The following CLNS1A variants were observed in gnomAD, a reference collection of about 807,000 sequenced individuals.
CLNS1A encodes the protein methylosome subunit pICln.
A neutral mutation model predicts 29.4 loss-of-function variants in CLNS1A; 16 were observed. That is an observed-to-expected ratio of 0.54 (90% CI 0.37 to 0.83). The LOEUF (loss-of-function observed/expected upper bound fraction) is 0.83. CLNS1A is among the 40% of genes least tolerant of loss of function. The probability of loss-of-function intolerance (pLI) is 0.00; values close to 1 mark genes in which losing one functional copy is unlikely to be tolerated. For synonymous variants in CLNS1A, 96 were observed against 104.8 expected, an observed-to-expected ratio of 0.92 and a Z score of 0.51; for missense variants, 235 against 287.4, an observed-to-expected ratio of 0.82 and a Z score of 1.32.
At chr11:77,632,604 A>C (rs765656451) in intron 1 of CLNS1A, among the ~76,000 whole-genome samples, 2 of 150,874 alleles carry the variant, frequency 1.3e-5, no homozygotes, top group Non-Finnish European at 2.9e-5. Context: ...AAAAACACTT[A>C]TTCTAATCGT....
Position 77,625,020 on chromosome 11 carries a change from G to C in CLNS1A, c.415C>G (p.Pro139Ala). Residue 139 changes from proline (P) to alanine (A), a missense_variant, in exon 4 of 7, where the codon CCT becomes GCT. Coordinates refer to ENST00000525428, the MANE Select transcript of CLNS1A (RefSeq NM_001293.3). ...TAGTCATCTGAATCCTCATCCTCAG[G>C]ATCTGGATGCAAGGCCTGGCATTCG... ...MCECQALHPDPEDEDSDDYDG... is the reference protein window; with the variant it reads ...MCECQALHPDAEDEDSDDYDG... 2 of 1,613,936 alleles carry C rather than the reference G, an allele frequency of 1.2e-6. No homozygotes were observed. The highest frequency in any genetic ancestry group is 1.1e-5 in the South Asian group (1 of 91,044).
chr11:77,619,500 G>T, intron 6 of CLNS1A, 106 bp downstream of exon 6: 1 of 755,236 alleles, frequency 1.3e-6, no homozygotes, highest in Non-Finnish European at 2.3e-6. Flanking sequence ...CTCTAGCCTG[G>T]GTGACAGAGT....
intron 5 of CLNS1A, 56 bp from the exon 6 acceptor site, chr11:77,619,751 T>G (rs1958938844): frequency 4.2e-6 from 5 of 1,201,820 alleles, no homozygotes; most frequent in Middle Eastern, 1.9e-4. Context: ...GACAGGTAGA[T>G]TCAACTTATA....
intron 6 of CLNS1A, 26 bp downstream of exon 6, chr11:77,619,580 G>A (rs770068270): frequency 3.0e-6 from 4 of 1,337,824 alleles, no homozygotes; most frequent in South Asian, 1.2e-5. Flanking sequence ...CATGATCAGC[G>A]ACAAGGGAGA....
chr11:77,637,507 T>C, intron 1 of CLNS1A, 83 bp downstream of exon 1: 6 of 1,478,326 alleles, frequency 4.1e-6, no homozygotes, highest in Non-Finnish European at 4.5e-6. Context: ...AGGCCGCCCC[T>C]TGCCCGGCTC....
intron 4 of CLNS1A, among the ~76,000 whole-genome samples, chr11:77,624,369 T>C (rs1467978822): frequency 6.6e-6 from 1 of 152,272 alleles, no homozygotes; most frequent in South Asian, 2.1e-4. Context: ...TAAAAGACTT[T>C]CCTGACCATC....
At chr11:77,630,516 G>A (rs556567698) in intron 1 of CLNS1A, among the ~76,000 whole-genome samples, 2 of 152,108 alleles carry the variant, frequency 1.3e-5, no homozygotes, top group Admixed American at 6.5e-5. Context: ...CACACTCACC[G>A]CAAGTCAGGA....
Position 77,615,669 on chromosome 11 carries a change from T to C in CLNS1A, c.*1049A>G, listed in dbSNP as rs186202808. On this transcript the variant is annotated 3_prime_UTR_variant, in exon 7 of 7. Coordinates refer to ENST00000525428, the MANE Select transcript of CLNS1A (RefSeq NM_001293.3). The stretch of plus-strand genomic sequence containing the variant: ...GTCTGGTTAGAAAAAGGAAAATTCG[T>C]TTTTTTTCAGTCTACCTTGCAAGAT... The C allele has an allele frequency of 1.1e-4, 16 of 151,840 alleles. No individual in the cohort carries two copies. The highest frequency in any genetic ancestry group is 7.2e-4 in the Admixed American group (11 of 15,224). The allele number at this position is 151,840 out of a possible 1,614,324, so 9.4% of individuals were successfully genotyped here. A position where few individuals can be genotyped will look rare whatever the true frequency, so the allele number is the denominator to read the frequency against.
chr11:77,620,977 G>A (rs1185143502), intron 5 of CLNS1A, among the ~76,000 whole-genome samples: 1 of 151,598 alleles, frequency 6.6e-6, no homozygotes, highest in East Asian at 1.9e-4. Flanking sequence ...GTGAGACTCC[G>A]TCTTAAATAA....
At chr11:77,621,152 T>C (rs892061750) in intron 5 of CLNS1A, among the ~76,000 whole-genome samples, 5 of 151,778 alleles carry the variant, frequency 3.3e-5, no homozygotes, top group African/African-American at 1.2e-4. Flanking sequence ...AAAAATTAGC[T>C]GGGCACGATA....
chr11:77,625,615 G>T, intron 3 of CLNS1A, 102 bp downstream of exon 3: 1 of 949,216 alleles, frequency 1.1e-6, no homozygotes, highest in Non-Finnish European at 1.5e-6. Context: ...GGAGGTAATG[G>T]TGGTAAAGGT....
chr11:77,622,967 A>AT (rs71043594), intron 4 of CLNS1A, among the ~76,000 whole-genome samples: 7 of 151,456 alleles, frequency 4.6e-5, no homozygotes, highest in Non-Finnish European at 2.9e-5. Flanking sequence ...AAAAAAAAAA[A>AT]GAATCTGCTG....
At chr11:77,619,228 T>G (rs769052357) in intron 6 of CLNS1A, among the ~76,000 whole-genome samples, 19 of 152,108 alleles carry the variant, frequency 1.2e-4, no homozygotes, top group Non-Finnish European at 2.8e-4. Context: ...GAAAAATTTT[T>G]TTAAAGAAGG....
chr11:77,617,447 CAGG>C (rs1341672077), intron 6 of CLNS1A, among the ~76,000 whole-genome samples: 4 of 148,632 alleles, frequency 2.7e-5, no homozygotes, highest in Admixed American at 2.0e-4. Flanking sequence ...GAGGCTGAGG[CAGG>C]AGAATTGCTT....
At chr11:77,626,658 G>T (rs1959022861) in intron 2 of CLNS1A, among the ~76,000 whole-genome samples, 1 of 151,560 alleles carries the variant, frequency 6.6e-6, no homozygotes, top group Non-Finnish European at 1.5e-5. Context: ...AAATGCTGGG[G>T]TTACAGATGT....
chr11:77,631,428 C>T (rs1182793553), intron 1 of CLNS1A, among the ~76,000 whole-genome samples: 1 of 150,880 alleles, frequency 6.6e-6, no homozygotes, highest in Non-Finnish European at 1.5e-5. Flanking sequence ...TCACGCCATT[C>T]TCTTGCCTCA....
intron 4 of CLNS1A, among the ~76,000 whole-genome samples, chr11:77,624,713 G>C (rs1487787475): frequency 1.3e-5 from 2 of 152,074 alleles, no homozygotes. Flanking sequence ...CAGCTACTTG[G>C]AAGGCTGAGG....
chr11:77,637,792 G>T lies in CLNS1A; in HGVS notation c.-78C>A. ...GTGCACCACACCGCCCGCCCTGGAAGAGGCAGTCACCCCGGAAGAACAACT... is the reference window on the plus strand; with the variant it reads ...GTGCACCACACCGCCCGCCCTGGAATAGGCAGTCACCCCGGAAGAACAACT... On this transcript the variant is annotated 5_prime_UTR_variant, in exon 1 of 7. Transcript: ENST00000525428. 3.4e-6 allele frequency: 5 copies of T among 1,452,256 alleles called. No individual in the cohort carries two copies. Among genetic ancestry groups the T allele is most frequent in the Non-Finnish European group, 4.6e-6 (5 of 1,089,856 alleles). 90.0% of individuals were successfully genotyped at this position (1,452,256 alleles called of 1,614,324 possible). A position where few individuals can be genotyped will look rare whatever the true frequency, so the allele number is the denominator to read the frequency against.
At chr11:77,622,727 T>C in intron 4 of CLNS1A, 54 bp from the exon 5 acceptor site, 1 of 1,366,782 alleles carries the variant, frequency 7.3e-7, no homozygotes, top group Non-Finnish European at 9.9e-7. Flanking sequence ...AAAAACAAAA[T>C]GGAATCAATA....
Sources: allele counts gnomAD v4.1 joint callset (sites outside exome capture counted in the v4.1 genomes callset), GRCh38; gene constraint gnomAD v4.1.1; transcripts MANE v1.5; gene names NCBI Gene and HGNC (gene_info 2026-07-23, HGNC 2026-07-21).